The following PDE4B variants were observed in gnomAD, a reference collection of about 807,000 sequenced individuals.
PDE4B encodes phosphodiesterase 4B, also known as 3',5'-cyclic-AMP phosphodiesterase 4B.
PDE4B carries 20 observed loss-of-function variants against 82.2 expected under a neutral mutation model. That is an observed-to-expected ratio of 0.24 (90% CI 0.17 to 0.35). The LOEUF (loss-of-function observed/expected upper bound fraction) is 0.35. PDE4B is among the 10% of genes least tolerant of loss of function. The pLI is 1.00. For synonymous variants in PDE4B, 320 were observed against 318.9 expected, an observed-to-expected ratio of 1.00 and a Z score of -0.04; for missense variants, 655 against 907.2, an observed-to-expected ratio of 0.72 and a Z score of 3.57.
intron 1 of PDE4B, among the ~76,000 whole-genome samples, chr1:65,868,470 T>C (rs1435541650): frequency 2.6e-5 from 4 of 152,124 alleles, no homozygotes; most frequent in East Asian, 1.9e-4. Context: ...CTGAGTTGAG[T>C]TGACGTTTTA....
intron 4 of PDE4B, among the ~76,000 whole-genome samples, chr1:66,252,019 G>C (rs1653824429): frequency 6.6e-6 from 1 of 152,142 alleles, no homozygotes; most frequent in Non-Finnish European, 1.5e-5. Context: ...AGCCAAACAG[G>C]AGGCTGCCAT....
intron 3 of PDE4B, among the ~76,000 whole-genome samples, chr1:66,051,126 T>C (rs1005384768): frequency 2.0e-5 from 3 of 152,102 alleles, no homozygotes; most frequent in East Asian, 1.9e-4. Context: ...TTTTGTATCC[T>C]GAAGTCTCTC....
chr1:66,316,983 G>A (rs925007299), intron 7 of PDE4B, among the ~76,000 whole-genome samples: 13 of 152,182 alleles, frequency 8.5e-5, no homozygotes, highest in African/African-American at 3.1e-4. Context: ...AGCTAGCTGT[G>A]ACATACACAG....
At chr1:65,881,464 ACAGATG>A (rs1384698713) in intron 1 of PDE4B, among the ~76,000 whole-genome samples, 1 of 152,122 alleles carries the variant, frequency 6.6e-6, no homozygotes, top group Non-Finnish European at 1.5e-5. Flanking sequence ...CCTCACTTCC[ACAGATG>A]CAGATCCTGA....
intron 6 of PDE4B, among the ~76,000 whole-genome samples, chr1:66,258,278 A>C (rs934621173): frequency 3.3e-5 from 5 of 152,200 alleles, no homozygotes; most frequent in African/African-American, 1.2e-4. Flanking sequence ...CAATTTGCCT[A>C]ATTTTTGATT....
chr1:66,056,666 C>T (rs1045232959), intron 3 of PDE4B, among the ~76,000 whole-genome samples: 1 of 151,032 alleles, frequency 6.6e-6, no homozygotes, highest in Non-Finnish European at 1.5e-5. Flanking sequence ...AAGTGGAAGA[C>T]CTTTTATGCC....
intron 7 of PDE4B, among the ~76,000 whole-genome samples, chr1:66,314,743 A>G (rs1173498373): frequency 1.3e-5 from 2 of 152,180 alleles, no homozygotes; most frequent in Non-Finnish European, 2.9e-5. Flanking sequence ...CTATTCAGTG[A>G]AACCTATCTT....
chr1:66,280,333 C>T (rs1232189255), intron 7 of PDE4B, among the ~76,000 whole-genome samples: 2 of 152,228 alleles, frequency 1.3e-5, no homozygotes, highest in Non-Finnish European at 2.9e-5. Flanking sequence ...ATTCTCTCTA[C>T]TGAGCAGACA....
intron 3 of PDE4B, among the ~76,000 whole-genome samples, chr1:65,949,518 C>T (rs1369960850): frequency 6.6e-6 from 1 of 152,122 alleles, no homozygotes; most frequent in Non-Finnish European, 1.5e-5. Flanking sequence ...CCTAACACAG[C>T]TGTATAGCCT....
At chr1:65,826,882 C>T (rs1477776267) in intron 1 of PDE4B, among the ~76,000 whole-genome samples, 2 of 152,136 alleles carry the variant, frequency 1.3e-5, no homozygotes, top group Non-Finnish European at 2.9e-5. Flanking sequence ...CTCTTTAGCC[C>T]TACCCCACCA....
Position 65,933,669 on chromosome 1 carries a change from TA to T in PDE4B, c.281+14847del, listed in dbSNP as rs965037711. Among the ~76,000 whole-genome samples, 460 of 139,872 alleles carry T rather than the reference TA, an allele frequency of 3.3e-3. 2 individuals carry two copies. The highest frequency in any genetic ancestry group is 8.1e-3 in the African/African-American group (310 of 38,106). The allele number at this position is 139,872 out of a possible 152,430, so 91.8% of individuals were successfully genotyped here. A position where few individuals can be genotyped will look rare whatever the true frequency, so the allele number is the denominator to read the frequency against. On this transcript the variant is annotated intron_variant, in intron 3 of 16. Transcript: ENST00000341517. ...CCTGGCAACAGGGCGAGAATCCGTC[TA>T]AAAAAAAAAAAAGTGGAGAGTTGAT... is the stretch of plus-strand genomic sequence containing the variant.
chr1:66,257,793 G>C lies in PDE4B; in HGVS notation c.514G>C (p.Val172Leu), dbSNP rs1468308301. ...DDLIVTPFAQ[V>L]LASLRSVRNN... ...ACCGTTTAAAACATTTTTCTTCTAG[G>C]TCCTTGCCAGCTTGCGAAGTGTGAG... The change falls in exon 6 of 17, where the codon GTC becomes CTC. Residue 172 changes from valine (V) to leucine (L), a missense_variant and splice_region_variant. Physicochemically the swap from Val to Leu is conservative, Grantham distance 32. This residue lies in a region of PDE4B where 253 missense variants were observed against 275.6 expected (regional missense o/e 0.92). Transcript: ENST00000341517. 1 of 1,612,782 alleles carries C rather than the reference G, an allele frequency of 6.2e-7. No homozygotes were observed. Among genetic ancestry groups the C allele is most frequent in the African/African-American group, 1.3e-5 (1 of 74,772 alleles).
At chr1:66,226,462 A>G (rs1365264942) in intron 3 of PDE4B, among the ~76,000 whole-genome samples, 2 of 152,248 alleles carry the variant, frequency 1.3e-5, no homozygotes, top group African/African-American at 4.8e-5. Flanking sequence ...AGGAGGTGTA[A>G]CTATAGATTG....
At chr1:66,371,446 G>A (rs576123618) in intron 16 of PDE4B, among the ~76,000 whole-genome samples, 7 of 152,164 alleles carry the variant, frequency 4.6e-5, no homozygotes, top group African/African-American at 7.2e-5. Flanking sequence ...GGAGGCCAGC[G>A]TAAGGCCACA....
chr1:65,794,007 G>A (rs977797196), intron 1 of PDE4B, among the ~76,000 whole-genome samples: 11 of 152,210 alleles, frequency 7.2e-5, no homozygotes, highest in African/African-American at 2.4e-4. Context: ...ATAAGGAGGA[G>A]CGCACAGAAG....
At chr1:65,906,406 A>AT (rs1647028837) in intron 1 of PDE4B, among the ~76,000 whole-genome samples, 1 of 151,840 alleles carries the variant, frequency 6.6e-6, no homozygotes, top group African/African-American at 2.4e-5. Flanking sequence ...GAATACAGGG[A>AT]TTTTTTTGTT....
chr1:66,288,620 AG>A (rs1656854606), intron 7 of PDE4B, among the ~76,000 whole-genome samples: 1 of 152,178 alleles, frequency 6.6e-6, no homozygotes, highest in African/African-American at 2.4e-5. Flanking sequence ...ATAAATACAC[AG>A]AATGGAATAT....
intron 3 of PDE4B, among the ~76,000 whole-genome samples, chr1:66,107,207 T>C (rs1258949708): frequency 5.9e-5 from 9 of 152,144 alleles, no homozygotes; most frequent in South Asian, 2.1e-4. Context: ...CCAGTAGTCA[T>C]TCAGGAGCAG....
At chr1:65,933,390 C>T (rs1433812101) in intron 3 of PDE4B, among the ~76,000 whole-genome samples, 2 of 151,848 alleles carry the variant, frequency 1.3e-5, no homozygotes, top group African/African-American at 4.8e-5. Context: ...AGAGACTTTC[C>T]CAGACAAATA....
Sources: gnomAD v4.1 joint callset for allele counts (sites outside exome capture counted in the v4.1 genomes callset) on GRCh38, gnomAD v4.1.1 for gene constraint, gnomAD v4.1.1 regional missense constraint, MANE v1.5 for transcripts, NCBI Gene and HGNC (gene_info 2026-07-23, HGNC 2026-07-21) for gene names.